Variants in PRKCE observed in about 807,000 individuals in gnomAD.
The protein encoded by PRKCE is protein kinase C epsilon type.
Under a neutral mutation model 85.4 loss-of-function variants are expected in PRKCE, and 16 were observed. The ratio of observed to expected loss-of-function variants is 0.19; its 90% CI spans 0.13 to 0.28. The LOEUF is 0.28. Among genes scored for constraint, PRKCE ranks in the 10% least tolerant of loss-of-function variants. The pLI is 1.00. For synonymous variants in PRKCE, 388 were observed against 371.5 expected, an observed-to-expected ratio of 1.04 and a Z score of -0.51; for missense variants, 573 against 975.2, an observed-to-expected ratio of 0.59 and a Z score of 5.49.
chr2:45,894,287 A>G (rs1446381511), intron 2 of PRKCE, among the ~76,000 whole-genome samples: 5 of 152,004 alleles, frequency 3.3e-5, no homozygotes. Context: ...AGGTTGTTTA[A>G]TAAAGGAGGA....
chr2:46,045,239 A>G (rs1056994198), intron 10 of PRKCE, among the ~76,000 whole-genome samples: 1 of 152,368 alleles, frequency 6.6e-6, no homozygotes, highest in South Asian at 2.1e-4. Flanking sequence ...TAGTATTTAC[A>G]TACATACATA....
intron 1 of PRKCE, among the ~76,000 whole-genome samples, chr2:45,842,578 A>C (rs1012307473): frequency 6.6e-6 from 1 of 152,192 alleles, no homozygotes; most frequent in East Asian, 1.9e-4. Flanking sequence ...AAATGGGATA[A>C]CATAGGGCTT....
At chr2:46,092,084 CA>C (rs1670217491) in intron 11 of PRKCE, among the ~76,000 whole-genome samples, 1 of 152,204 alleles carries the variant, frequency 6.6e-6, no homozygotes, top group South Asian at 2.1e-4. Context: ...GAGCAACTTA[CA>C]AAACCTCTTT....
At chr2:45,883,731 G>A (rs891189278) in intron 2 of PRKCE, among the ~76,000 whole-genome samples, 3 of 152,160 alleles carry the variant, frequency 2.0e-5, no homozygotes, top group African/African-American at 4.8e-5. Flanking sequence ...TGTCCTCCCC[G>A]CCTGTCATGC....
rs889902478 is a variant in PRKCE, at chr2:46,068,914, T to C, written c.1438-17294T>C. Among the ~76,000 whole-genome samples the C allele has an allele frequency of 1.3e-5, 2 of 152,264 alleles. No homozygotes were observed. Among genetic ancestry groups the C allele is most frequent in the African/African-American group, 4.8e-5 (2 of 41,476 alleles). On this transcript the variant is annotated intron_variant, in intron 10 of 14. Transcript: ENST00000306156. This position sits in a 1 kb window ranked among gnomAD's most constrained non-coding sequence, Gnocchi z 4.3. ...GTGACTCCAAGGGTGATCCCTAGAC[T>C]AGCAGCATTGCATTACCTGGGAGCC... is the stretch of plus-strand genomic sequence containing the variant.
intron 2 of PRKCE, among the ~76,000 whole-genome samples, chr2:45,912,242 G>A (rs755196495): frequency 3.3e-5 from 5 of 152,104 alleles, no homozygotes; most frequent in East Asian, 1.9e-4. Context: ...GTGTTATCCC[G>A]TGACAGAGTT....
chr2:46,050,584 G>T (rs754659862), intron 10 of PRKCE, among the ~76,000 whole-genome samples: 1 of 152,160 alleles, frequency 6.6e-6, no homozygotes, highest in Admixed American at 6.5e-5. Context: ...GACCTTGTGG[G>T]GTGGGAAGGA....
chr2:46,078,526 C>A (rs539157416), intron 10 of PRKCE, among the ~76,000 whole-genome samples: 152 of 139,930 alleles, frequency 1.1e-3, no homozygotes, highest in African/African-American at 4.0e-3. Flanking sequence ...GGTGACAGAG[C>A]AGGACCCTGT....
chr2:45,737,824 C>T (rs1170503352), intron 1 of PRKCE, among the ~76,000 whole-genome samples: 1 of 152,152 alleles, frequency 6.6e-6, no homozygotes, highest in Non-Finnish European at 1.5e-5. Flanking sequence ...GCGTACATTG[C>T]CAAGTGCTTC....
intron 14 of PRKCE, among the ~76,000 whole-genome samples, chr2:46,182,589 G>C (rs1189913748): frequency 6.6e-6 from 1 of 152,150 alleles, no homozygotes; most frequent in Non-Finnish European, 1.5e-5. Context: ...AGGTCTCTGA[G>C]ACCTGCTGAC....
chr2:45,784,146 A>G (rs140695218), intron 1 of PRKCE, among the ~76,000 whole-genome samples: 9 of 152,404 alleles, frequency 5.9e-5, no homozygotes, highest in Non-Finnish European at 1.3e-4. Context: ...GTAGCAATGC[A>G]AAGCAAAGAA....
Position 46,041,101 on chromosome 2 carries a change from C to G in PRKCE, c.1437+30584C>G, listed in dbSNP as rs1008060041. On this transcript the variant is annotated intron_variant, in intron 10 of 14. Transcript: ENST00000306156. This position sits in a 1 kb window ranked among gnomAD's most constrained non-coding sequence, Gnocchi z 5.5. Reference sequence around the variant, plus strand: ...AGTAGGTGGCACGAGGTATTCATTTCATAAGTAGGTTTGGATTCGGCAGGT... The same window carrying G: ...AGTAGGTGGCACGAGGTATTCATTTGATAAGTAGGTTTGGATTCGGCAGGT... Among the ~76,000 whole-genome samples the G allele has an allele frequency of 1.3e-5, 2 of 152,202 alleles. No individual in the cohort carries two copies. Among genetic ancestry groups the G allele is most frequent in the Non-Finnish European group, 2.9e-5 (2 of 68,040 alleles).
intron 14 of PRKCE, among the ~76,000 whole-genome samples, chr2:46,179,435 G>A (rs1047870916): frequency 5.9e-5 from 9 of 152,226 alleles, no homozygotes; most frequent in African/African-American, 1.9e-4. Context: ...GTCTCTGAGA[G>A]GGATCTGGAC....
intron 10 of PRKCE, among the ~76,000 whole-genome samples, chr2:46,039,534 G>T (rs1424041801): frequency 2.0e-5 from 3 of 151,336 alleles, no homozygotes; most frequent in Non-Finnish European, 4.4e-5. Flanking sequence ...TTGTTTTTTT[G>T]TTTGTTTGTT....
chr2:46,123,548 G>A (rs946067047), intron 11 of PRKCE, among the ~76,000 whole-genome samples: 1 of 152,140 alleles, frequency 6.6e-6, no homozygotes, highest in African/African-American at 2.4e-5. Flanking sequence ...GAGTGCAGTG[G>A]CATGATCTGA....
Position 45,862,526 on chromosome 2 carries a change from A to C in PRKCE, c.412+19463A>C, listed in dbSNP as rs115040516. Among the ~76,000 whole-genome samples, 852 of 152,318 alleles carry C rather than the reference A, an allele frequency of 5.6e-3. 9 individuals carry two copies. Among genetic ancestry groups the C allele is most frequent in the African/African-American group, 0.02 (814 of 41,558 alleles). ...ATGGTACTGTGTACAAGAATGCATC[A>C]GGCATTGCCTACCTGTGCAGTCAGA... On this transcript the variant is annotated intron_variant, in intron 2 of 14. Coordinates refer to ENST00000306156, the MANE Select transcript of PRKCE (RefSeq NM_005400.3).
intron 10 of PRKCE, chr2:46,010,892 A>T (rs938609813): frequency 6.7e-7 from 1 of 1,483,934 alleles, no homozygotes; most frequent in African/African-American, 1.4e-5. Flanking sequence ...TGTCATATGA[A>T]AAAGAGTAAA....
intron 1 of PRKCE, among the ~76,000 whole-genome samples, chr2:45,783,977 C>T (rs990518720): frequency 6.6e-6 from 1 of 152,226 alleles, no homozygotes; most frequent in Non-Finnish European, 1.5e-5. Flanking sequence ...TAGGATCCAA[C>T]CTGCAGGGAG....
intron 10 of PRKCE, among the ~76,000 whole-genome samples, chr2:46,082,980 C>G (rs894793466): frequency 1.3e-5 from 2 of 152,128 alleles, no homozygotes; most frequent in Non-Finnish European, 2.9e-5. Context: ...CGGAGTTTCT[C>G]TCTGTCACCC....
Sources: allele counts gnomAD v4.1 joint callset (sites outside exome capture counted in the v4.1 genomes callset), GRCh38; gene constraint gnomAD v4.1.1; non-coding constraint Gnocchi (gnomAD v3.1); transcripts MANE v1.5; gene names NCBI Gene and HGNC (gene_info 2026-07-23, HGNC 2026-07-21).